ERICH1: variants seen among roughly 807,000 people sequenced by gnomAD.
The protein encoded by ERICH1 is glutamate-rich protein 1.
Under a neutral mutation model 39.6 loss-of-function variants are expected in ERICH1, and 56 were observed. The ratio of observed to expected loss-of-function variants is 1.41; its 90% confidence interval spans 1.14 to 1.77. ERICH1 has a LOEUF of 1.77. ERICH1 is among the 40% of genes most tolerant of loss of function. The pLI is 0.00. For synonymous variants in ERICH1, 313 were observed against 223.6 expected (o/e 1.40, Z -3.57); for missense variants, 826 against 575.4 (o/e 1.44, Z -4.45).
intron 2 of ERICH1, 89 bp from the exon 3 acceptor site, chr8:692,701 T>C: frequency 7.3e-7 from 1 of 1,370,824 alleles, no homozygotes; most frequent in Non-Finnish European, 9.7e-7. Flanking sequence ...ATTGTTTCTC[T>C]AAATTCATTC....
At chr8:670,696 T>A (rs891897513) in intron 4 of ERICH1, among the ~76,000 whole-genome samples, 3 of 152,190 alleles carry the variant, frequency 2.0e-5, no homozygotes, top group African/African-American at 7.2e-5. Flanking sequence ...AGCTTCAGAA[T>A]TGGGCAAAGG....
intron 3 of ERICH1, among the ~76,000 whole-genome samples, chr8:658,671 C>T (rs988826763): frequency 6.6e-6 from 1 of 152,222 alleles, no homozygotes; most frequent in Middle Eastern, 3.4e-3. Context: ...CGGTCCTGAC[C>T]CAATCGGACA....
chr8:676,522 G>GCCCCTCGTGAGGACAGAGACGCGGCGC (rs1563237202), intron 3 of ERICH1, among the ~76,000 whole-genome samples: 6 of 149,932 alleles, frequency 4.0e-5, no homozygotes, highest in Admixed American at 1.3e-4. Flanking sequence ...AGGCGCGGCG[G>GCCCCTCGTGAGGACAGAGACGCGGCGC]CCCCTCGTGA....
chr8:658,545 G>T (rs773613421), intron 3 of ERICH1, among the ~76,000 whole-genome samples: 16 of 152,144 alleles, frequency 1.1e-4, no homozygotes, highest in Admixed American at 1.0e-3. Flanking sequence ...TATTCCTCCT[G>T]TGTCATGGGC....
At chr8:694,105 G>C (rs1167932157) in intron 2 of ERICH1, among the ~76,000 whole-genome samples, 1 of 152,200 alleles carries the variant, frequency 6.6e-6, no homozygotes, top group Non-Finnish European at 1.5e-5. Flanking sequence ...AACAATGACA[G>C]GTATTGAGCA....
intron 2 of ERICH1, among the ~76,000 whole-genome samples, chr8:700,821 C>T (rs886896398): frequency 6.6e-6 from 1 of 152,238 alleles, no homozygotes; most frequent in Non-Finnish European, 1.5e-5. Context: ...ATTCCTTTAT[C>T]AGAGGCTTCC....
intron 1 of ERICH1, among the ~76,000 whole-genome samples, chr8:720,937 C>A (rs1817176920): frequency 6.6e-6 from 1 of 152,188 alleles, no homozygotes; most frequent in Admixed American, 6.5e-5. Flanking sequence ...ACGAGCACGT[C>A]CCGCACAATG....
intron 1 of ERICH1, among the ~76,000 whole-genome samples, chr8:723,413 G>C (rs950097249): frequency 6.6e-6 from 1 of 152,144 alleles, no homozygotes; most frequent in Non-Finnish European, 1.5e-5. Context: ...AAACAGAAAA[G>C]TGATTAGATT....
intron 3 of ERICH1, 51 bp downstream of exon 3, chr8:692,427 T>G: frequency 6.2e-7 from 1 of 1,611,450 alleles, no homozygotes; most frequent in Non-Finnish European, 8.5e-7. Flanking sequence ...AATTGGGAAA[T>G]ACGAGCTTAT....
At chr8:699,882 GATCCGCACAC>G (rs1811421549) in intron 2 of ERICH1, among the ~76,000 whole-genome samples, 1 of 80,314 alleles carries the variant, frequency 1.2e-5, no homozygotes, top group African/African-American at 4.3e-5. Flanking sequence ...CAGGCGCACA[GATCCGCACAC>G]GCGCACAGAC....
chr8:665,352 G>A (rs934324715), intron 5 of ERICH1, among the ~76,000 whole-genome samples: 4 of 152,156 alleles, frequency 2.6e-5, no homozygotes, highest in South Asian at 2.1e-4. Flanking sequence ...CCGGGCTCAC[G>A]GGTGGACACT....
intron 1 of ERICH1, among the ~76,000 whole-genome samples, chr8:716,426 G>A (rs1816012431): frequency 6.6e-6 from 1 of 152,256 alleles, no homozygotes; most frequent in African/African-American, 2.4e-5. Context: ...GGAGCCAGGT[G>A]AGTGAATGGA....
intron 3 of ERICH1, chr8:616,032 C>T (rs1373763226): frequency 6.5e-6 from 1 of 154,342 alleles, no homozygotes; most frequent in East Asian, 1.9e-4. Flanking sequence ...CACACACATT[C>T]TCAGCCCATC....
chr8:718,229 G>T (rs1816479793), intron 1 of ERICH1, among the ~76,000 whole-genome samples: 1 of 152,080 alleles, frequency 6.6e-6, no homozygotes, highest in Non-Finnish European at 1.5e-5. Context: ...ACACACCAGG[G>T]TATGGATCGG....
At chr8:643,927 C>T (rs553518243) in intron 3 of ERICH1, among the ~76,000 whole-genome samples, 11 of 152,228 alleles carry the variant, frequency 7.2e-5, no homozygotes, top group Non-Finnish European at 8.8e-5. Flanking sequence ...CACCCGGAAT[C>T]GTGCTCCCAG....
Position 616,546 on chromosome 8 carries a change from C to G in ERICH1, c.977-1262G>C, listed in dbSNP as rs983015155. On this transcript the variant is annotated intron_variant, in intron 3 of 3. Transcript: ENST00000522706. Reference sequence around the variant, plus strand: ...TACCTGGGGACCACAACACGCACATCTGGGAACTGGAGCTGAAAAACAGAT... The same window carrying G: ...TACCTGGGGACCACAACACGCACATGTGGGAACTGGAGCTGAAAAACAGAT... 6.6e-6 allele frequency: 3 copies of G among 455,944 alleles called. No individual in the cohort carries two copies. The Admixed American group carries it at 7.1e-5, about 11-fold the overall frequency. The allele number at this position is 455,944 out of a possible 1,614,324, so 28.2% of individuals were successfully genotyped here.
chr8:725,145 A>C (rs1250155306), intron 1 of ERICH1: 4 of 150,406 alleles, frequency 2.7e-5, no homozygotes, highest in Non-Finnish European at 4.1e-5. Flanking sequence ...GTGCCTGCTG[A>C]CCCCTCCGGC....
chr8:651,257 C>T (rs1187171425), intron 3 of ERICH1, among the ~76,000 whole-genome samples: 4 of 152,200 alleles, frequency 2.6e-5, no homozygotes, highest in East Asian at 3.8e-4. Context: ...TGGGCTTAGG[C>T]GTCCTCATCT....
At chr8:724,147 T>G (rs1433492333) in intron 1 of ERICH1, among the ~76,000 whole-genome samples, 1 of 152,160 alleles carries the variant, frequency 6.6e-6, no homozygotes, top group Admixed American at 6.5e-5. Flanking sequence ...TGACATGGGA[T>G]CCTCACGTAG....
Sources: allele counts gnomAD v4.1 joint callset (sites outside exome capture counted in the v4.1 genomes callset), GRCh38; gene constraint gnomAD v4.1.1; transcripts MANE v1.5; gene names NCBI Gene and HGNC (gene_info 2026-07-23, HGNC 2026-07-21).